Variants in JARID2 observed in about 807,000 individuals in gnomAD.
JARID2 encodes protein Jumonji.
JARID2 carries 21 observed loss-of-function variants against 125.6 expected under a neutral mutation model. The observed-to-expected ratio is 0.17, with a 90% confidence interval of 0.12 to 0.24. JARID2 has a LOEUF of 0.24. Among genes scored for constraint, JARID2 ranks in the 10% least tolerant of loss-of-function variants. The pLI is 1.00. For missense variants in JARID2, 1,303 were observed against 1,639.6 expected, an observed-to-expected ratio of 0.79 and a Z score of 3.55; for synonymous variants, 736 against 661.6, an observed-to-expected ratio of 1.11 and a Z score of -1.73.
At chr6:15,516,855 C>T (rs928409112) in intron 16 of JARID2, among the ~76,000 whole-genome samples, 5 of 152,216 alleles carry the variant, frequency 3.3e-5, no homozygotes, top group Admixed American at 6.5e-5. Context: ...GACTGAACCT[C>T]TCCCAGGAAA....
At chr6:15,261,957 T>G (rs1759897749) in intron 1 of JARID2, among the ~76,000 whole-genome samples, 1 of 151,872 alleles carries the variant, frequency 6.6e-6, no homozygotes, top group African/African-American at 2.4e-5. Context: ...ATTTTTTGTA[T>G]TTTTAGTAGA....
At chr6:15,366,838 T>C (rs2127503059) in intron 1 of JARID2, among the ~76,000 whole-genome samples, 1 of 152,184 alleles carries the variant, frequency 6.6e-6, no homozygotes, top group Non-Finnish European at 1.5e-5. Flanking sequence ...TTTAAAACAT[T>C]GGTGGGGGGT....
At chr6:15,475,629 C>A (rs1196130367) in intron 5 of JARID2, among the ~76,000 whole-genome samples, 1 of 152,194 alleles carries the variant, frequency 6.6e-6, no homozygotes, top group Non-Finnish European at 1.5e-5. Flanking sequence ...TCTGCCCTTA[C>A]CCCTGTTCCC....
chr6:15,495,351 AC>A (rs1252700254), intron 6 of JARID2, among the ~76,000 whole-genome samples: 1 of 152,212 alleles, frequency 6.6e-6, no homozygotes, highest in African/African-American at 2.4e-5. Flanking sequence ...GATACATGGG[AC>A]AGTTTGTAAA....
intron 2 of JARID2, among the ~76,000 whole-genome samples, chr6:15,409,099 C>T (rs1319515137): frequency 3.9e-5 from 6 of 152,192 alleles, no homozygotes; most frequent in African/African-American, 1.2e-4. Context: ...GTACTATGTT[C>T]ATTCAGAATG....
At chr6:15,425,689 C>A (rs1766695379) in intron 3 of JARID2, among the ~76,000 whole-genome samples, 1 of 152,206 alleles carries the variant, frequency 6.6e-6, no homozygotes, top group East Asian at 1.9e-4. Context: ...GCCTGTCCAT[C>A]AGTCTTTAAA....
At chr6:15,258,008 T>C (rs1346949641) in intron 1 of JARID2, among the ~76,000 whole-genome samples, 3 of 152,214 alleles carry the variant, frequency 2.0e-5, no homozygotes, top group Admixed American at 6.5e-5. Flanking sequence ...CTTATTCTTA[T>C]ATGTATGAAA....
At chr6:15,394,480 G>A (rs1765144383) in intron 2 of JARID2, among the ~76,000 whole-genome samples, 1 of 152,080 alleles carries the variant, frequency 6.6e-6, no homozygotes, top group African/African-American at 2.4e-5. Flanking sequence ...CCTACCTGTA[G>A]TACAGCTACT....
intron 1 of JARID2, among the ~76,000 whole-genome samples, chr6:15,373,390 CA>C (rs1485198658): frequency 6.6e-6 from 1 of 152,144 alleles, no homozygotes; most frequent in Non-Finnish European, 1.5e-5. Context: ...TCTCTGCATT[CA>C]TTTTGTTAAT....
At chr6:15,295,515 ATTGGCATAGG>A (rs1761381761) in intron 1 of JARID2, among the ~76,000 whole-genome samples, 2 of 152,284 alleles carry the variant, frequency 1.3e-5, no homozygotes, top group South Asian at 4.1e-4. Context: ...GTGGTTCAGC[ATTGGCATAGG>A]TGCTCTGTGA....
At chr6:15,380,220 A>G (rs923114668) in intron 2 of JARID2, among the ~76,000 whole-genome samples, 1 of 151,938 alleles carries the variant, frequency 6.6e-6, no homozygotes, top group African/African-American at 2.4e-5. Context: ...ATTTTAGTAG[A>G]GAGAGGGTTT....
intron 1 of JARID2, among the ~76,000 whole-genome samples, chr6:15,306,368 CTT>C: frequency 9.6e-6 from 1 of 104,630 alleles, no homozygotes; most frequent in East Asian, 3.1e-4. Context: ...GAGTTTTGCT[CTT>C]GTTGCCCAGG....
chr6:15,252,128 C>T (rs1389279216), intron 1 of JARID2, among the ~76,000 whole-genome samples: 1 of 152,130 alleles, frequency 6.6e-6, no homozygotes, highest in Admixed American at 6.6e-5. Flanking sequence ...GCAAGTGATT[C>T]CCTTTTAAGA....
At chr6:15,299,320 C>G (rs1220271598) in intron 1 of JARID2, among the ~76,000 whole-genome samples, 1 of 152,054 alleles carries the variant, frequency 6.6e-6, no homozygotes, top group Non-Finnish European at 1.5e-5. Context: ...TCATTGGGTT[C>G]TCAAATTTTA....
chr6:15,464,219 G>T (rs1444550655), intron 4 of JARID2, among the ~76,000 whole-genome samples: 1 of 152,158 alleles, frequency 6.6e-6, no homozygotes, highest in African/African-American at 2.4e-5. Flanking sequence ...GCTTCTCTGG[G>T]TCTGGAATGC....
At chr6:15,478,907 C>G (rs1292049001) in intron 5 of JARID2, among the ~76,000 whole-genome samples, 1 of 152,064 alleles carries the variant, frequency 6.6e-6, no homozygotes, top group African/African-American at 2.4e-5. Context: ...TCAGGTGATC[C>G]GCCTGCCTCG....
intron 12 of JARID2, 88 bp downstream of exon 12, chr6:15,508,542 G>C: frequency 6.5e-6 from 5 of 771,054 alleles, no homozygotes; most frequent in Admixed American, 3.8e-5. Flanking sequence ...TTCTTGTCCA[G>C]GTGGTTCCAC....
intron 13 of JARID2, among the ~76,000 whole-genome samples, chr6:15,511,685 G>C (rs887870653): frequency 6.6e-6 from 1 of 152,184 alleles, no homozygotes; most frequent in Non-Finnish European, 1.5e-5. Flanking sequence ...CCTACCTTCT[G>C]GGCATGTGAG....
intron 7 of JARID2, among the ~76,000 whole-genome samples, chr6:15,498,126 C>A (rs1243987786): frequency 2.6e-5 from 4 of 152,204 alleles, no homozygotes; most frequent in Non-Finnish European, 4.4e-5. Flanking sequence ...GCCCATAGCC[C>A]TCTAGGGTCC....
Sources: gnomAD v4.1 joint callset for allele counts (sites outside exome capture counted in the v4.1 genomes callset) on GRCh38, gnomAD v4.1.1 for gene constraint, MANE v1.5 for transcripts, NCBI Gene and HGNC (gene_info 2026-07-23, HGNC 2026-07-21) for gene names.